RALGPS2: variants seen among roughly 807,000 people sequenced by gnomAD.
RALGPS2 encodes ras-specific guanine nucleotide-releasing factor RalGPS2.
A neutral mutation model predicts 86.8 loss-of-function variants in RALGPS2; 43 were observed. That is an observed-to-expected ratio of 0.50 (90% CI 0.39 to 0.64). The LOEUF is 0.64. RALGPS2 is among the 30% of genes least tolerant of loss of function. RALGPS2 has a pLI of 0.00. For missense variants in RALGPS2, 536 were observed against 694.6 expected (o/e 0.77, Z 2.57); for synonymous variants, 243 against 231.3 (o/e 1.05, Z -0.46).
intron 8 of RALGPS2, among the ~76,000 whole-genome samples, chr1:178,847,242 TC>T (rs1378416734): frequency 6.6e-6 from 1 of 152,186 alleles, no homozygotes; most frequent in Non-Finnish European, 1.5e-5. Flanking sequence ...GGTCAGGAGT[TC>T]GAGACTAGCC....
At chr1:178,806,323 G>A (rs1235660692) in intron 4 of RALGPS2, among the ~76,000 whole-genome samples, 1 of 152,090 alleles carries the variant, frequency 6.6e-6, no homozygotes, top group Admixed American at 6.6e-5. Flanking sequence ...AAAATTGAAG[G>A]CATTGCTTCA....
intron 8 of RALGPS2, among the ~76,000 whole-genome samples, chr1:178,848,827 A>G (rs1326877609): frequency 6.6e-6 from 1 of 152,016 alleles, no homozygotes; most frequent in East Asian, 1.9e-4. Context: ...ATGGGGTTTC[A>G]CCATGTCGGC....
intron 10 of RALGPS2, among the ~76,000 whole-genome samples, chr1:178,882,598 A>G (rs1659306020): frequency 6.6e-6 from 1 of 152,348 alleles, no homozygotes; most frequent in South Asian, 2.1e-4. Flanking sequence ...AGTCAGTAGA[A>G]TACTAAACAG....
At chr1:178,867,236 T>TA (rs1321255669) in intron 8 of RALGPS2, among the ~76,000 whole-genome samples, 1 of 152,158 alleles carries the variant, frequency 6.6e-6, no homozygotes, top group East Asian at 1.9e-4. Flanking sequence ...ATGTTTTACT[T>TA]ATCACCACAA....
intron 1 of RALGPS2, among the ~76,000 whole-genome samples, chr1:178,769,188 A>G (rs1257859171): frequency 1.4e-5 from 2 of 143,408 alleles, no homozygotes; most frequent in Non-Finnish European, 3.1e-5. Flanking sequence ...CACAATATAT[A>G]CCCAGGAAGG....
chr1:178,864,762 ACTC>A (rs1658266793), intron 8 of RALGPS2, among the ~76,000 whole-genome samples: 1 of 152,110 alleles, frequency 6.6e-6, no homozygotes, highest in African/African-American at 2.4e-5. Flanking sequence ...GTTTTTATAA[ACTC>A]CTGGAACTTC....
At chr1:178,752,865 A>C (rs1235474541) in intron 1 of RALGPS2, among the ~76,000 whole-genome samples, 1 of 152,222 alleles carries the variant, frequency 6.6e-6, no homozygotes, top group African/African-American at 2.4e-5. Flanking sequence ...TTCTGAATTC[A>C]GTATGGTCTT....
rs151201727 is a variant in RALGPS2 at position 178,788,064 on chromosome 1, T to C, written c.213+2457T>C. Among the ~76,000 whole-genome samples the C allele has an allele frequency of 1.1e-3, 166 of 152,320 alleles. 1 individual carries two copies. Among genetic ancestry groups the C allele is most frequent in the South Asian group, 2.9e-3 (14 of 4,830 alleles). On this transcript the variant is annotated intron_variant, in intron 4 of 19. Coordinates refer to ENST00000367635, the MANE Select transcript of RALGPS2 (RefSeq NM_152663.5). ...GCAACCCCATCTTACATCTTTCCTG[T>C]CTTTCTGGTCTAAGATATACTAGCC...
chr1:178,859,727 C>G (rs1475768889), intron 8 of RALGPS2, among the ~76,000 whole-genome samples: 1 of 113,576 alleles, frequency 8.8e-6, no homozygotes, highest in Non-Finnish European at 1.7e-5. Context: ...GAGACGGAGT[C>G]TCGCTCTGTC....
chr1:178,764,470 G>A (rs966277155), intron 1 of RALGPS2, among the ~76,000 whole-genome samples: 2 of 152,142 alleles, frequency 1.3e-5, no homozygotes, highest in Non-Finnish European at 2.9e-5. Flanking sequence ...TACATTCAAG[G>A]TAAGTATTGC....
intron 1 of RALGPS2, among the ~76,000 whole-genome samples, chr1:178,758,495 T>C (rs556769048): frequency 1.4e-3 from 214 of 152,278 alleles, no homozygotes; most frequent in African/African-American, 4.4e-3. Flanking sequence ...TCTTATTCTT[T>C]CTAACTGCTT....
chr1:178,792,882 A>G (rs1252732348), intron 4 of RALGPS2, among the ~76,000 whole-genome samples: 1 of 152,168 alleles, frequency 6.6e-6, no homozygotes, highest in African/African-American at 2.4e-5. Flanking sequence ...ATATTCAACC[A>G]CTATTAATAT....
intron 8 of RALGPS2, among the ~76,000 whole-genome samples, chr1:178,838,755 A>G (rs1656420600): frequency 6.6e-6 from 1 of 152,174 alleles, no homozygotes; most frequent in Admixed American, 6.5e-5. Flanking sequence ...CAAAGAAGCT[A>G]AAAACCTTGA....
intron 1 of RALGPS2, chr1:178,746,775 T>C (rs1651353839): frequency 2.3e-6 from 2 of 877,508 alleles, no homozygotes; most frequent in Non-Finnish European, 3.9e-6. Flanking sequence ...GTGGTGGCCT[T>C]TCTGTCCTCT....
chr1:178,848,560 G>A (rs1656981600), intron 8 of RALGPS2, among the ~76,000 whole-genome samples: 1 of 152,106 alleles, frequency 6.6e-6, no homozygotes, highest in South Asian at 2.1e-4. Flanking sequence ...TTTTGGTCCA[G>A]CCACTTAACT....
chr1:178,818,770 A>G (rs1002572768), intron 6 of RALGPS2, among the ~76,000 whole-genome samples: 11 of 152,150 alleles, frequency 7.2e-5, no homozygotes, highest in African/African-American at 2.7e-4. Context: ...GCCCTCAGGG[A>G]GGAAAAACTG....
intron 13 of RALGPS2, among the ~76,000 whole-genome samples, chr1:178,886,570 C>G (rs1659492979): frequency 6.6e-6 from 1 of 152,004 alleles, no homozygotes; most frequent in African/African-American, 2.4e-5. Flanking sequence ...ATGGAGATGT[C>G]AGGTAGGTTG....
chr1:178,914,212 C>T (rs1177666927), intron 19 of RALGPS2, among the ~76,000 whole-genome samples: 2 of 152,054 alleles, frequency 1.3e-5, no homozygotes, highest in Admixed American at 6.6e-5. Flanking sequence ...GGTGGGTGGG[C>T]GCCTATGGCC....
chr1:178,911,655 T>C (rs1660631403), intron 19 of RALGPS2, among the ~76,000 whole-genome samples: 1 of 152,218 alleles, frequency 6.6e-6, no homozygotes, highest in Non-Finnish European at 1.5e-5. Context: ...TTAGAGAATG[T>C]GCCTTGTGCC....
Sources: allele counts gnomAD v4.1 joint callset (sites outside exome capture counted in the v4.1 genomes callset), GRCh38; gene constraint gnomAD v4.1.1; transcripts MANE v1.5; gene names NCBI Gene and HGNC (gene_info 2026-07-23, HGNC 2026-07-21).